NUP160: variants seen among roughly 807,000 people sequenced by gnomAD.
The protein encoded by NUP160 is nuclear pore complex protein Nup160.
Under a neutral mutation model 196.9 loss-of-function variants are expected in NUP160, and 94 were observed. The ratio of observed to expected loss-of-function variants is 0.48; its 90% CI spans 0.40 to 0.57. The LOEUF is 0.57. Among genes scored for constraint, NUP160 ranks in the 20% least tolerant of loss-of-function variants. NUP160 has a pLI of 0.00. For synonymous variants in NUP160, 605 were observed against 619.7 expected, an observed-to-expected ratio of 0.98 and a Z score of 0.35; for missense variants, 1,638 against 1,748.3, an observed-to-expected ratio of 0.94 and a Z score of 1.13.
chr11:47,814,070 CAAAAAAAAAAAAA>C (rs5791787), intron 13 of NUP160, among the ~76,000 whole-genome samples: 1 of 39,834 alleles, frequency 2.5e-5, no homozygotes, highest in African/African-American at 8.2e-5. Context: ...GACTCTGTCT[CAAAAAAAAAAAAA>C]AAAAAAAAAA....
At chr11:47,795,868 T>C (rs939384423) in intron 27 of NUP160, among the ~76,000 whole-genome samples, 2 of 151,998 alleles carry the variant, frequency 1.3e-5, no homozygotes, top group Non-Finnish European at 2.9e-5. Flanking sequence ...AAAAACATTA[T>C]TGGCCAGGCG....
chr11:47,791,199 T>C (rs1363682542), intron 29 of NUP160, among the ~76,000 whole-genome samples: 1 of 152,192 alleles, frequency 6.6e-6, no homozygotes, highest in East Asian at 1.9e-4. Flanking sequence ...TCATTTTTCT[T>C]GAAATGGCAG....
chr11:47,802,237 C>G (rs1213586262), intron 22 of NUP160, among the ~76,000 whole-genome samples: 1 of 151,826 alleles, frequency 6.6e-6, no homozygotes, highest in African/African-American at 2.4e-5. Flanking sequence ...TTGAGACCAG[C>G]CTGACCAACA....
At chr11:47,827,041 G>A (rs1285185664) in intron 7 of NUP160, 1 of 455,910 alleles carries the variant, frequency 2.2e-6, no homozygotes, top group Non-Finnish European at 4.4e-6. Context: ...GGAATAAAGG[G>A]GAACCTCCTC....
intron 11 of NUP160, among the ~76,000 whole-genome samples, chr11:47,816,788 A>G (rs1402182619): frequency 1.3e-5 from 2 of 151,874 alleles, no homozygotes; most frequent in Admixed American, 1.3e-4. Flanking sequence ...AGGGAAAAAA[A>G]AAAAAAAAGT....
chr11:47,816,922 G>A (rs1851739237), intron 11 of NUP160, among the ~76,000 whole-genome samples: 1 of 151,744 alleles, frequency 6.6e-6, no homozygotes, highest in Non-Finnish European at 1.5e-5. Flanking sequence ...GAGATTACAG[G>A]TGTGAGCCAC....
chr11:47,841,341 T>A, intron 2 of NUP160: 1 of 354,582 alleles, frequency 2.8e-6, no homozygotes, highest in Non-Finnish European at 5.6e-6. Context: ...GAATTTTCCT[T>A]GATCATATTC....
chr11:47,826,754 G>T (rs1565204673), intron 7 of NUP160, among the ~76,000 whole-genome samples: 1 of 151,964 alleles, frequency 6.6e-6, no homozygotes. Flanking sequence ...GTACAGTCGG[G>T]GTTTCACCAT....
chr11:47,778,439 T>C (rs2097658785), exon 36 of NUP160: 1 of 152,632 alleles, frequency 6.6e-6, no homozygotes, highest in African/African-American at 2.4e-5. Flanking sequence ...TCTGAGAATC[T>C]GTTGCTAATA....
chr11:47,833,784 GGCAC>G (rs1852119374), intron 7 of NUP160, among the ~76,000 whole-genome samples: 1 of 150,136 alleles, frequency 6.7e-6, no homozygotes. Context: ...CAATATGGTG[GGCAC>G]TGTGCCTCTA....
At chr11:47,812,464 G>A (rs766443580) in intron 15 of NUP160, 35 bp from the exon 16 acceptor site, 4 of 1,593,950 alleles carry the variant, frequency 2.5e-6, no homozygotes, top group African/African-American at 2.7e-5. Flanking sequence ...TATTACTACC[G>A]AGAATACGTA....
At chr11:47,815,519 T>C (rs886416589) in exon 13 of NUP160, 1 of 1,609,292 alleles carries the variant, frequency 6.2e-7, no homozygotes, top group Non-Finnish European at 8.5e-7. Context: ...TGGATTCAAA[T>C]GTAGGGCAAG....
intron 7 of NUP160, among the ~76,000 whole-genome samples, chr11:47,831,904 T>C (rs1852084679): frequency 1.1e-5 from 1 of 90,444 alleles, no homozygotes; most frequent in Non-Finnish European, 2.6e-5. Flanking sequence ...CTTTTTTTTT[T>C]TTTTTTTTTT....
intron 2 of NUP160, among the ~76,000 whole-genome samples, chr11:47,844,882 T>G (rs578134831): frequency 6.6e-6 from 1 of 152,062 alleles, no homozygotes; most frequent in Admixed American, 6.5e-5. Context: ...ATAAAACAGG[T>G]TGCAATAAAG....
intron 34 of NUP160, among the ~76,000 whole-genome samples, chr11:47,782,307 TATA>T (rs2097661778): frequency 9.0e-4 from 9 of 9,948 alleles, no homozygotes; most frequent in African/African-American, 4.5e-3. Context: ...AAAAAAAATA[TATA>T]TATATATATA....
chr11:47,800,896 C>T (rs999159370), intron 23 of NUP160, among the ~76,000 whole-genome samples: 10 of 152,118 alleles, frequency 6.6e-5, no homozygotes, highest in African/African-American at 2.4e-4. Flanking sequence ...AGCTTTTCTG[C>T]ACAGGCCAGG....
Position 47,832,903 on chromosome 11 carries a change from T to C in NUP160, c.1101+2748A>G, listed in dbSNP as rs755231021. Among the ~76,000 whole-genome samples, 77 of 152,306 alleles carry C rather than the reference T, an allele frequency of 5.1e-4. 2 individuals carry two copies. The highest frequency in any genetic ancestry group is 1.2e-4 in the Non-Finnish European group (8 of 68,028). On this transcript the variant is annotated intron_variant, in intron 7 of 35. Transcript: ENST00000378460. Reference sequence around the variant, plus strand: ...GAAGCCAGTCACAGAAAACCACTTATATGATTCCACTGACATAATATGACC... The same window carrying C: ...GAAGCCAGTCACAGAAAACCACTTACATGATTCCACTGACATAATATGACC...
chr11:47,807,030 C>T, intron 19 of NUP160, 40 bp downstream of exon 19: 1 of 1,405,514 alleles, frequency 7.1e-7, no homozygotes, highest in Non-Finnish European at 1.0e-6. Context: ...GCAATAAATC[C>T]CCAGTTTAAA....
exon 9 of NUP160, chr11:47,821,766 T>A: frequency 6.2e-7 from 1 of 1,614,124 alleles, no homozygotes; most frequent in Non-Finnish European, 8.5e-7. Flanking sequence ...GTTCTCAGCA[T>A]CATGCCACAG....
Sources: gnomAD v4.1 joint callset for allele counts (sites outside exome capture counted in the v4.1 genomes callset) on GRCh38, gnomAD v4.1.1 for gene constraint, MANE v1.5 for transcripts, NCBI Gene and HGNC (gene_info 2026-07-23, HGNC 2026-07-21) for gene names.